EZH2: variants seen among roughly 807,000 people sequenced by gnomAD.
The protein encoded by EZH2 is histone-lysine N-methyltransferase EZH2.
In EZH2, 18 loss-of-function variants were observed where a neutral mutation model predicts 98.4. That is an observed-to-expected ratio of 0.18 (90% CI 0.13 to 0.27). EZH2 has a LOEUF of 0.27. Among genes scored for constraint, EZH2 ranks in the 10% least tolerant of loss-of-function variants. The pLI is 1.00. For synonymous variants in EZH2, 338 were observed against 312.3 expected (o/e 1.08, Z -0.87); for missense variants, 470 against 935.1 (o/e 0.50, Z 6.49).
intron 3 of EZH2, among the ~76,000 whole-genome samples, chr7:148,841,708 T>C (rs1031508155): frequency 6.6e-6 from 1 of 152,208 alleles, no homozygotes; most frequent in African/African-American, 2.4e-5. Flanking sequence ...ATATTATTTT[T>C]TCTTTGTAAA....
chr7:148,818,725 G>C (rs1015188753), intron 9 of EZH2, among the ~76,000 whole-genome samples: 1 of 152,118 alleles, frequency 6.6e-6, no homozygotes, highest in Non-Finnish European at 1.5e-5. Context: ...GAATAAGACT[G>C]TGAGGGTTAC....
intron 1 of EZH2, among the ~76,000 whole-genome samples, chr7:148,855,385 T>G (rs527872872): frequency 3.8e-4 from 58 of 152,300 alleles, no homozygotes; most frequent in African/African-American, 1.3e-3. Flanking sequence ...AAGCAAGAGT[T>G]TGGACTCCAA....
In EZH2 at chr7:148,817,842, A is replaced by G. The variant is rs77634281; in HGVS notation, c.1240+35T>C. ...TAATCCTCACAACACGAACTTTCACAGAACAGTAAAACCCAGTTATTAGAC... is the reference window on the plus strand; with the variant it reads ...TAATCCTCACAACACGAACTTTCACGGAACAGTAAAACCCAGTTATTAGAC... On this transcript the variant is annotated intron_variant, in intron 10 of 19. Transcript: ENST00000320356. The G allele has an allele frequency of 2.4e-3, 3,837 of 1,614,010 alleles. 88 individuals are homozygous for G. In the African/African-American group the frequency reaches 0.044, roughly 19 times the overall value.
intron 8 of EZH2, 68 bp from the exon 9 acceptor site, chr7:148,819,755 C>T: frequency 7.3e-7 from 1 of 1,362,748 alleles, no homozygotes. Context: ...TCTTCCAGTT[C>T]CACTGGAAAA....
chr7:148,850,354 G>A, intron 1 of EZH2: 1 of 303,556 alleles, frequency 3.3e-6, no homozygotes, highest in Non-Finnish European at 4.8e-6. Context: ...TTTATGTCTT[G>A]ATGAAGACAT....
In EZH2 at chr7:148,814,017, T is replaced by G; in HGVS notation, c.1793A>C (p.His598Pro). ...GCAGGACACATTTTTACTGTCCCAA[T>G]GGTCAGCGGCTCCACAAGTAAGACA... is the stretch of plus-strand genomic sequence containing the variant. ...DLCLTCGAAD[H>P]WDSKNVSCKN... is the part of the protein sequence containing the mutation. Residue 598 changes from histidine to proline, a missense_variant, in exon 15 of 20, where the codon CAT becomes CCT. Physicochemically the swap from His to Pro is moderately conservative, Grantham distance 77. Around this residue, in one of 6 missense-constraint regions of EZH2, gnomAD observed 106 missense variants for 327.2 expected, o/e 0.32. Coordinates refer to ENST00000320356, the MANE Select transcript of EZH2 (RefSeq NM_004456.5). The G allele has an allele frequency of 6.2e-7, 1 of 1,614,186 alleles. No homozygotes were observed. Among genetic ancestry groups the G allele is most frequent in the South Asian group, 1.1e-5 (1 of 91,086 alleles).
intron 18 of EZH2, 74 bp from the exon 19 acceptor site, chr7:148,809,229 AAAC>A: frequency 6.3e-7 from 1 of 1,587,982 alleles, no homozygotes; most frequent in Non-Finnish European, 8.6e-7. Context: ...TTCACATAAC[AAAC>A]AACTATCCCA....
intron 17 of EZH2, 28 bp from the exon 18 acceptor site, chr7:148,809,418 A>T: frequency 6.5e-7 from 1 of 1,545,598 alleles, no homozygotes; most frequent in Non-Finnish European, 8.9e-7. Context: ...AGCACAGCCC[A>T]GTGAATAATT....
intron 1 of EZH2, among the ~76,000 whole-genome samples, chr7:148,855,362 A>G (rs1482079807): frequency 6.6e-6 from 1 of 152,184 alleles, no homozygotes; most frequent in Non-Finnish European, 1.5e-5. Context: ...TCCTATACAC[A>G]GCATTAAACA....
intron 8 of EZH2, among the ~76,000 whole-genome samples, chr7:148,823,632 T>G (rs1806804631): frequency 6.6e-6 from 1 of 151,924 alleles, no homozygotes; most frequent in Middle Eastern, 3.4e-3. Flanking sequence ...TTGGGAGACT[T>G]TATTGTACAC....
chr7:148,834,337 T>TTATATATATATATATATA (rs746918834), intron 3 of EZH2, among the ~76,000 whole-genome samples: 16 of 142,812 alleles, frequency 1.1e-4, no homozygotes, highest in African/African-American at 4.5e-4. Context: ...TGAAAAATCA[T>TTATATATATATATATATA]TATATATATA....
intron 1 of EZH2, among the ~76,000 whole-genome samples, chr7:148,866,548 A>ATATATCCG: frequency 9.8e-6 from 1 of 101,932 alleles, no homozygotes; most frequent in Non-Finnish European, 2.0e-5. Context: ...GTATATACAT[A>ATATATCCG]TATATACATA....
At chr7:148,810,299 C>G (rs1331989870) in intron 17 of EZH2, 34 bp downstream of exon 17, 30 of 1,533,078 alleles carry the variant, frequency 2.0e-5, no homozygotes, top group Non-Finnish European at 2.7e-5. Context: ...ACATGCAACT[C>G]AGGAACTCAC....
intron 14 of EZH2, among the ~76,000 whole-genome samples, 179 bp from the exon 15 acceptor site, chr7:148,814,316 C>G (rs554149034): frequency 6.6e-6 from 1 of 152,064 alleles, no homozygotes; most frequent in Non-Finnish European, 1.5e-5. Flanking sequence ...GCTGTTTGCA[C>G]TGAAAAAGAC....
chr7:148,836,087 G>C (rs960831303), intron 3 of EZH2, among the ~76,000 whole-genome samples: 1 of 152,172 alleles, frequency 6.6e-6, no homozygotes, highest in Non-Finnish European at 1.5e-5. Flanking sequence ...AGCTCTCTGA[G>C]GGCAAAAGCA....
At chr7:148,842,176 A>T (rs940145555) in intron 3 of EZH2, among the ~76,000 whole-genome samples, 1 of 152,186 alleles carries the variant, frequency 6.6e-6, no homozygotes, top group African/African-American at 2.4e-5. Flanking sequence ...AGATGGATTA[A>T]ATTACTAAAC....
Position 148,813,943 on chromosome 7 carries a change from G to C in EZH2, c.1851+16C>G. On this transcript the variant is annotated intron_variant, in intron 15 of 19. Coordinates refer to ENST00000320356, the MANE Select transcript of EZH2 (RefSeq NM_004456.5). ...GCTAACTACAAACAATCTTCCAGAA[G>C]TGACTTGTTGCTCACCTTTTTGGAG... The C allele has an allele frequency of 1.2e-6, 2 of 1,605,606 alleles. No individual in the cohort carries two copies. The highest frequency in any genetic ancestry group is 1.7e-6 in the Non-Finnish European group (2 of 1,175,162).
intron 1 of EZH2, among the ~76,000 whole-genome samples, chr7:148,876,454 A>G (rs1563076992): frequency 1.3e-5 from 2 of 152,170 alleles, no homozygotes; most frequent in Non-Finnish European, 2.9e-5. Context: ...TTGTATGTAA[A>G]TTATACTTCA....
At chr7:148,866,100 A>G (rs1414752814) in intron 1 of EZH2, among the ~76,000 whole-genome samples, 1 of 152,210 alleles carries the variant, frequency 6.6e-6, no homozygotes, top group Non-Finnish European at 1.5e-5. Flanking sequence ...GAGGTACGGC[A>G]GTTATGAGCA....
Sources: allele counts gnomAD v4.1 joint callset (sites outside exome capture counted in the v4.1 genomes callset), GRCh38; gene constraint gnomAD v4.1.1; regional missense constraint gnomAD v4.1.1; transcripts MANE v1.5; gene names NCBI Gene and HGNC (gene_info 2026-07-23, HGNC 2026-07-21).